The following DDX31 variants were observed in gnomAD, a reference collection of about 807,000 sequenced individuals.
DDX31 encodes ATP-dependent DNA helicase DDX31.
A neutral mutation model predicts 91.3 loss-of-function variants in DDX31; 70 were observed. The observed-to-expected ratio is 0.77, with a 90% confidence interval of 0.63 to 0.94. DDX31 has a LOEUF of 0.94. DDX31 is among the 40% of genes least tolerant of loss of function. The pLI, the probability that DDX31 is intolerant of heterozygous loss-of-function variation, is 0.00. For missense variants in DDX31, 902 were observed against 925.0 expected, an observed-to-expected ratio of 0.98 and a Z score of 0.32; for synonymous variants, 362 against 350.6, an observed-to-expected ratio of 1.03 and a Z score of -0.36.
At chr9:132,633,930 AG>A (rs1299092109) in intron 14 of DDX31, among the ~76,000 whole-genome samples, 2 of 152,234 alleles carry the variant, frequency 1.3e-5, no homozygotes, top group African/African-American at 4.8e-5. Context: ...ACTAGTTTAC[AG>A]GAAGTATGGG....
chr9:132,600,692 G>T (rs940874264), intron 19 of DDX31, among the ~76,000 whole-genome samples: 1 of 152,220 alleles, frequency 6.6e-6, no homozygotes, highest in Admixed American at 6.5e-5. Context: ...AGACTATTTA[G>T]CCCAGGTGAC....
intron 3 of DDX31, among the ~76,000 whole-genome samples, 157 bp from the exon 4 acceptor site, chr9:132,661,408 C>A (rs996211720): frequency 6.6e-6 from 1 of 152,206 alleles, no homozygotes; most frequent in African/African-American, 2.4e-5. Context: ...GGCGATTCTG[C>A]CACCCGCCCT....
intron 14 of DDX31, among the ~76,000 whole-genome samples, chr9:132,633,154 A>G (rs1832900964): frequency 6.6e-6 from 1 of 152,216 alleles, no homozygotes; most frequent in African/African-American, 2.4e-5. Context: ...TCGGGGACAC[A>G]CAGCTGGGAA....
At chr9:132,622,991 C>T (rs1280292672) in intron 17 of DDX31, among the ~76,000 whole-genome samples, 1 of 151,908 alleles carries the variant, frequency 6.6e-6, no homozygotes, top group Non-Finnish European at 1.5e-5. Flanking sequence ...GTTAGCCGGG[C>T]ATGGTGGTGT....
chr9:132,606,828 A>G (rs1414562534), intron 19 of DDX31, among the ~76,000 whole-genome samples: 4 of 152,174 alleles, frequency 2.6e-5, no homozygotes, highest in Non-Finnish European at 5.9e-5. Context: ...GGAGAGGGCT[A>G]ACGGGGGTAC....
intron 15 of DDX31, 45 bp downstream of exon 15, chr9:132,631,996 A>C (rs1832756236): frequency 6.4e-7 from 1 of 1,556,396 alleles, no homozygotes; most frequent in African/African-American, 1.4e-5. Flanking sequence ...ACTCATGATC[A>C]TATATTCCTG....
At chr9:132,607,706 T>A (rs1831101170) in intron 19 of DDX31, among the ~76,000 whole-genome samples, 1 of 152,218 alleles carries the variant, frequency 6.6e-6, no homozygotes, top group Non-Finnish European at 1.5e-5. Context: ...AGAGATGGTG[T>A]CTCACTCTGT....
chr9:132,621,456 T>C (rs1277659677), intron 17 of DDX31, among the ~76,000 whole-genome samples: 1 of 152,220 alleles, frequency 6.6e-6, no homozygotes, highest in Non-Finnish European at 1.5e-5. Context: ...TTTATATACC[T>C]AAATATGAAA....
At chr9:132,627,173 GAAAGA>G (rs1215123246) in intron 16 of DDX31, among the ~76,000 whole-genome samples, 2 of 152,218 alleles carry the variant, frequency 1.3e-5, no homozygotes, top group Non-Finnish European at 2.9e-5. Context: ...TCTTGAAGCA[GAAAGA>G]AAAGAGTAAT....
In DDX31 at chr9:132,594,815, A is replaced by G. The variant is rs767407679; in HGVS notation, c.*51T>C. On this transcript the variant is annotated 3_prime_UTR_variant, in exon 20 of 20. Transcript: ENST00000372159. ...CTCCTCTGACAAGAACTGGACATCA[A>G]TCCACTGCCACCCGGGGCTTCCAGG... 7 of 1,599,514 alleles carry G rather than the reference A, an allele frequency of 4.4e-6. No individual in the cohort carries two copies. Among genetic ancestry groups the G allele is most frequent in the Non-Finnish European group, 6.0e-6 (7 of 1,172,314 alleles).
intron 13 of DDX31, among the ~76,000 whole-genome samples, chr9:132,644,129 C>G (rs949661509): frequency 6.6e-6 from 1 of 152,044 alleles, no homozygotes; most frequent in Non-Finnish European, 1.5e-5. Context: ...GAAACTCACC[C>G]CTAATACTTA....
chr9:132,616,710 A>T (rs1385543016), intron 18 of DDX31, among the ~76,000 whole-genome samples: 2 of 150,530 alleles, frequency 1.3e-5, no homozygotes, highest in Non-Finnish European at 3.0e-5. Flanking sequence ...ACTCCTCTAG[A>T]GGTAGCAAGG....
At position 132,664,716 on chromosome 9, in the gene DDX31, C is replaced by A. The variant is rs368333280; in HGVS notation, c.76-2021G>T. On this transcript the variant is annotated intron_variant, in intron 1 of 19. Coordinates refer to ENST00000372159, the MANE Select transcript of DDX31 (RefSeq NM_022779.9). ...TGGGTGACAGAGTAAGACCCTCGCTCAAAAAAAAAAAAAAAAAAAAACTGT... is the reference window on the plus strand; with the variant it reads ...TGGGTGACAGAGTAAGACCCTCGCTAAAAAAAAAAAAAAAAAAAAAACTGT... Among the ~76,000 whole-genome samples, 375 of 97,176 alleles carry A rather than the reference C, an allele frequency of 3.9e-3. 1 individual carries two copies. The highest frequency in any genetic ancestry group is 6.1e-3 in the Admixed American group (53 of 8,674). 63.8% of individuals were successfully genotyped at this position (97,176 alleles called of 152,430 possible).
intron 14 of DDX31, chr9:132,637,822 C>T (rs183359116): frequency 1.2e-4 from 121 of 985,592 alleles, no homozygotes; most frequent in Non-Finnish European, 1.4e-4. Context: ...CAAAATAAAA[C>T]GAAAAAGATA....
Position 132,594,911 on chromosome 9 carries a change from G to A in DDX31, c.2196C>T (p.Thr732=). The stretch of plus-strand genomic sequence containing the variant: ...TGCTGTCCCGCTGTACACCTTTTTG[G>A]GTTTTTCTCCATTTTAATGTTTTCC... ...GRGKTLKWRK[T]QKGVQRDSKT... is the part of the protein sequence containing the mutation. Residue 732 remains threonine (T), a synonymous_variant, in exon 20 of 20, where the codon ACC becomes ACT. Transcript: ENST00000372159. The A allele has an allele frequency of 3.1e-6, 5 of 1,614,012 alleles. No individual in the cohort carries two copies. Among genetic ancestry groups the A allele is most frequent in the Non-Finnish European group, 4.2e-6 (5 of 1,180,020 alleles).
chr9:132,638,571 G>A (rs569214979), intron 14 of DDX31, among the ~76,000 whole-genome samples: 29 of 152,102 alleles, frequency 1.9e-4, no homozygotes, highest in Non-Finnish European at 3.2e-4. Context: ...AGGACTCCTC[G>A]TCTTTCACAC....
chr9:132,650,215 C>A lies in DDX31; in HGVS notation c.740+19G>T. On this transcript the variant is annotated intron_variant, in intron 9 of 19. Coordinates refer to ENST00000372159, the MANE Select transcript of DDX31 (RefSeq NM_022779.9). ...GACACATTCAAGAAGGAAACAACAACCAACAAACCTCTTCCTACCTGGCCT... is the reference window on the plus strand; with the variant it reads ...GACACATTCAAGAAGGAAACAACAAACAACAAACCTCTTCCTACCTGGCCT... The A allele has an allele frequency of 6.2e-7, 1 of 1,613,132 alleles. No homozygotes were observed. Among genetic ancestry groups the A allele is most frequent in the Non-Finnish European group, 8.5e-7 (1 of 1,179,128 alleles).
intron 16 of DDX31, 63 bp downstream of exon 16, chr9:132,630,200 TA>T (rs770127867): frequency 2.0e-6 from 3 of 1,495,362 alleles, no homozygotes; most frequent in Non-Finnish European, 2.7e-6. Flanking sequence ...CCATTCACTG[TA>T]AAAAGCGACA....
intron 7 of DDX31, among the ~76,000 whole-genome samples, chr9:132,652,199 A>G (rs1834235354): frequency 1.3e-5 from 2 of 152,218 alleles, no homozygotes; most frequent in African/African-American, 4.8e-5. Flanking sequence ...TCAAAACCCA[A>G]TTAAACAGAC....
Sources: allele counts gnomAD v4.1 joint callset (sites outside exome capture counted in the v4.1 genomes callset), GRCh38; gene constraint gnomAD v4.1.1; transcripts MANE v1.5; gene names NCBI Gene and HGNC (gene_info 2026-07-23, HGNC 2026-07-21).